The following PITRM1 variants were observed in gnomAD, a reference collection of about 807,000 sequenced individuals.
PITRM1 encodes the protein pitrilysin metallopeptidase 1.
PITRM1 carries 100 observed loss-of-function variants against 129.9 expected under a neutral mutation model. The ratio of observed to expected loss-of-function variants is 0.77; its 90% CI spans 0.65 to 0.91. The LOEUF (loss-of-function observed/expected upper bound fraction) is 0.91. PITRM1 is among the 40% of genes least tolerant of loss of function. The pLI is 0.00. For synonymous variants in PITRM1, 591 were observed against 508.8 expected (o/e 1.16, Z -2.17); for missense variants, 1,471 against 1,318.3 (o/e 1.12, Z -1.79).
In PITRM1 at chr10:3,160,211, T is replaced by A; in HGVS notation, c.911A>T (p.Asp304Val). ...ACACGGTGGGGCACTCACAGGCTTGTCCCAGGGTGTCTGAGCTGGCACCAC... is the reference window on the plus strand; with the variant it reads ...ACACGGTGGGGCACTCACAGGCTTGACCCAGGGTGTCTGAGCTGGCACCAC... The part of the protein sequence containing the change: ...STVVPAQTPW[D>V]KPREFQITCG... Residue 304 changes from aspartate to valine, a missense_variant, in exon 8 of 27, where the codon GAC (aspartate) becomes GTC (valine). By Grantham distance (152) the Asp-to-Val change is radical. Transcript: ENST00000224949. The A allele has an allele frequency of 3.1e-6, 5 of 1,613,900 alleles. No individual in the cohort carries two copies. Among genetic ancestry groups the A allele is most frequent in the Non-Finnish European group, 3.4e-6 (4 of 1,179,830 alleles).
At chr10:3,168,977 C>T (rs904053396) in intron 2 of PITRM1, among the ~76,000 whole-genome samples, 2 of 151,104 alleles carry the variant, frequency 1.3e-5, no homozygotes, top group Non-Finnish European at 2.9e-5. Context: ...ATTAGCCAGG[C>T]GTGGTGGCAC....
chr10:3,159,799 A>G, intron 9 of PITRM1, 49 bp downstream of exon 9: 1 of 1,124,962 alleles, frequency 8.9e-7, no homozygotes, highest in Non-Finnish European at 1.3e-6. Flanking sequence ...TAATAGGAAC[A>G]TTTTCCTCAT....
intron 15 of PITRM1, among the ~76,000 whole-genome samples, chr10:3,150,574 G>A (rs1469290380): frequency 2.0e-5 from 3 of 152,114 alleles, no homozygotes; most frequent in Non-Finnish European, 4.4e-5. Flanking sequence ...AGTCACGTCC[G>A]GCCACACCCG....
chr10:3,169,865 G>C (rs1269727467), intron 2 of PITRM1, among the ~76,000 whole-genome samples: 1 of 152,214 alleles, frequency 6.6e-6, no homozygotes, highest in African/African-American at 2.4e-5. Context: ...AGCTGGAAGT[G>C]TTACTCTCTA....
At position 3,161,519 on chromosome 10, in the gene PITRM1, C is replaced by T. The variant is rs79891496; in HGVS notation, c.792-1189G>A. Among the ~76,000 whole-genome samples, 14 of 152,286 alleles carry T rather than the reference C, an allele frequency of 9.2e-5. No individual in the cohort carries two copies. In the East Asian group the frequency reaches 2.3e-3, roughly 25 times the overall value. ...AATTTAGAAACAAATTTTACACACT[C>T]GGGGTTGAGAGAATCCAGGAGCAAT... is the stretch of plus-strand genomic sequence containing the variant. On this transcript the variant is annotated intron_variant, in intron 7 of 26. Coordinates refer to ENST00000224949, the MANE Select transcript of PITRM1 (RefSeq NM_014889.4).
chr10:3,145,629 CT>C lies in PITRM1; in HGVS notation c.2423del (p.Lys808ArgfsTer46), dbSNP rs781052400. On this transcript the variant is annotated frameshift_variant, in exon 21 of 27. Transcript: ENST00000224949. LOFTEE classifies it high-confidence loss of function. ...TGTGTGGGCGCACAGGCCTCCGTTC[CT>C]TTTTACTCCGACCGATGCTTCTAAG... ...DFLRSIGRSK[K>X]ERRPVRPHTV... 17 of 1,550,022 alleles carry C rather than the reference CT, an allele frequency of 1.1e-5. No individual in the cohort carries two copies. Among genetic ancestry groups the C allele is most frequent in the Non-Finnish European group, 1.4e-5 (16 of 1,147,020 alleles).
intron 22 of PITRM1, chr10:3,143,753 T>C (rs1449665115): frequency 2.9e-6 from 2 of 689,770 alleles, no homozygotes; most frequent in Non-Finnish European, 5.4e-6. Flanking sequence ...TCCTCCAATC[T>C]TGACGTGATG....
rs1313474343 is a variant in PITRM1 at position 3,157,543 on chromosome 10, A to C, written c.1251-12T>G. On this transcript the variant is annotated splice_polypyrimidine_tract_variant and intron_variant, in intron 11 of 26. Transcript: ENST00000224949. Reference sequence around the variant, plus strand: ...CTTCAAATCCTTTCCTAAAGAATACAATGAAGAACAAAGATGGGCCAGACA... The same window carrying C: ...CTTCAAATCCTTTCCTAAAGAATACCATGAAGAACAAAGATGGGCCAGACA... The C allele has an allele frequency of 1.3e-6, 2 of 1,525,306 alleles. No individual in the cohort carries two copies. The highest frequency in any genetic ancestry group is 2.3e-5 in the East Asian group (1 of 44,346). 94.5% of individuals were successfully genotyped at this position (1,525,306 alleles called of 1,614,324 possible).
intron 13 of PITRM1, among the ~76,000 whole-genome samples, chr10:3,156,401 CAT>C (rs1259675886): frequency 1.3e-5 from 2 of 152,186 alleles, no homozygotes; most frequent in African/African-American, 4.8e-5. Context: ...ATTATTAAAT[CAT>C]ATCTCATGTC....
At chr10:3,169,945 G>A (rs1843199023) in intron 2 of PITRM1, among the ~76,000 whole-genome samples, 159 bp downstream of exon 2, 1 of 152,230 alleles carries the variant, frequency 6.6e-6, no homozygotes, top group Non-Finnish European at 1.5e-5. Flanking sequence ...CACAAGCTCT[G>A]TTCAGCCGAG....
In PITRM1 at chr10:3,145,651, C is replaced by G; in HGVS notation, c.2402G>C (p.Arg801Thr). ...TTCCTTTTTACTCCGACCGATGCTT[C>G]TAAGGAAGTCTTCGACCGCTTTTTC... ...QTEKAVEDFL[R>T]SIGRSKKERR... Residue 801 changes from arginine (R) to threonine (T), a missense_variant, in exon 21 of 27, where the codon AGA becomes ACA. Arg to Thr is a moderately conservative substitution (Grantham distance 71). Coordinates refer to ENST00000224949, the MANE Select transcript of PITRM1 (RefSeq NM_014889.4). 6.4e-7 allele frequency: 1 copy of G among 1,550,542 alleles called. No homozygotes were observed. The highest frequency in any genetic ancestry group is 8.7e-7 in the Non-Finnish European group (1 of 1,147,048).
Position 3,154,212 on chromosome 10 carries a change from G to A in PITRM1, c.1621+1379C>T, listed in dbSNP as rs72780429. 8.3e-3 allele frequency among the ~76,000 whole-genome samples: 1,260 copies of A among 152,310 alleles called. 14 individuals carry two copies. The highest frequency in any genetic ancestry group is 0.034 in the Middle Eastern group (10 of 294). ...AATACCAAGCGTGCATCATTGTTGC[G>A]CTCCTTCACAGCTAGTGGCATTTCT... On this transcript the variant is annotated intron_variant, in intron 14 of 26. Coordinates refer to ENST00000224949, the MANE Select transcript of PITRM1 (RefSeq NM_014889.4).
intron 25 of PITRM1, 42 bp from the exon 26 acceptor site, chr10:3,138,379 A>T (rs1839800442): frequency 7.2e-7 from 1 of 1,391,622 alleles, no homozygotes; most frequent in African/African-American, 1.4e-5. Flanking sequence ...GCTGCCCGGG[A>T]GCTCGCGTTG....
Position 3,163,847 on chromosome 10 carries a change from G to A in PITRM1, c.669C>T (p.Asn223=). 6.2e-7 allele frequency: 1 copy of A among 1,611,630 alleles called. No homozygotes were observed. The highest frequency in any genetic ancestry group is 8.5e-7 in the Non-Finnish European group (1 of 1,178,554). Residue 223 remains asparagine, a synonymous_variant, in exon 7 of 27, where the codon AAC becomes AAT. Coordinates refer to ENST00000224949, the MANE Select transcript of PITRM1 (RefSeq NM_014889.4). ...NERIFSQHLQ[N]RLLPDHTYSV... ...AGTACGTGTGGTCAGGAAGAAGTCT[G>A]TTCTGAAGGTGCTGGGAGAATATCC...
chr10:3,161,926 G>A (rs1217573413), intron 7 of PITRM1, among the ~76,000 whole-genome samples: 1 of 151,578 alleles, frequency 6.6e-6, no homozygotes, highest in African/African-American at 2.4e-5. Flanking sequence ...TGTAATCCCA[G>A]CACTTTGGGA....
chr10:3,152,967 C>G (rs1019040906), intron 14 of PITRM1, among the ~76,000 whole-genome samples: 1 of 152,270 alleles, frequency 6.6e-6, no homozygotes, highest in Non-Finnish European at 1.5e-5. Flanking sequence ...GTGCTTAAGA[C>G]ACACACAAGA....
In PITRM1 at chr10:3,158,847, G is replaced by A. The variant is rs78852424; in HGVS notation, c.1136+67C>T. On this transcript the variant is annotated intron_variant, in intron 10 of 26. Transcript: ENST00000224949. ...CAAGTGTGGGGCCGGGACAGGGTGCGGAGGTGGAGGAGCAAAACTGCCCCC... is the reference window on the plus strand; with the variant it reads ...CAAGTGTGGGGCCGGGACAGGGTGCAGAGGTGGAGGAGCAAAACTGCCCCC... 8.5e-3 allele frequency: 12,273 copies of A among 1,448,240 alleles called. 87 individuals are homozygous for A. The highest frequency in any genetic ancestry group is 0.024 in the Middle Eastern group (136 of 5,632). The allele number at this position is 1,448,240 out of a possible 1,614,324, so 89.7% of individuals were successfully genotyped here.
intron 1 of PITRM1, among the ~76,000 whole-genome samples, chr10:3,170,851 T>C (rs890122425): frequency 6.6e-6 from 1 of 151,830 alleles, no homozygotes; most frequent in African/African-American, 2.4e-5. Context: ...TAGTCCCAGA[T>C]ACTTGGGAGG....
At chr10:3,172,169 G>T in intron 1 of PITRM1, 1 of 456,122 alleles carries the variant, frequency 2.2e-6, no homozygotes, top group South Asian at 1.5e-5. Flanking sequence ...GGCCGGCAGC[G>T]CTGAACTATT....
Sources: gnomAD v4.1 joint callset for allele counts (sites outside exome capture counted in the v4.1 genomes callset) on GRCh38, gnomAD v4.1.1 for gene constraint, MANE v1.5 for transcripts, NCBI Gene and HGNC (gene_info 2026-07-23, HGNC 2026-07-21) for gene names.